Variants in EPHB1 observed in about 807,000 individuals in gnomAD.
EPHB1 encodes the protein EPH receptor B1.
A neutral mutation model predicts 94.4 loss-of-function variants in EPHB1; 30 were observed. The observed-to-expected ratio is 0.32, with a 90% CI of 0.24 to 0.43. The LOEUF (loss-of-function observed/expected upper bound fraction) is 0.43, where lower values mean the gene tolerates loss of function less well. Ranked by LOEUF, EPHB1 falls within the 20% of genes least tolerant of loss-of-function variation. EPHB1 has a pLI of 1.00. For missense variants in EPHB1, 1,055 were observed against 1,308.3 expected (o/e 0.81, Z 2.99); for synonymous variants, 522 against 489.1 (o/e 1.07, Z -0.89).
At chr3:134,857,676 C>T (rs2037152894) in intron 1 of EPHB1, among the ~76,000 whole-genome samples, 1 of 152,104 alleles carries the variant, frequency 6.6e-6, no homozygotes, top group Non-Finnish European at 1.5e-5. Flanking sequence ...GTGCTCACCC[C>T]AAGTGACACC....
intron 1 of EPHB1, among the ~76,000 whole-genome samples, chr3:134,878,551 G>A (rs150862875): frequency 2.0e-4 from 31 of 152,352 alleles, no homozygotes; most frequent in African/African-American, 7.2e-4. Flanking sequence ...GGACAGAGCT[G>A]TCTCTGCTAT....
chr3:135,026,928 A>G (rs1281987883), intron 3 of EPHB1, among the ~76,000 whole-genome samples: 66 of 122,346 alleles, frequency 5.4e-4, no homozygotes, highest in African/African-American at 2.1e-3. Context: ...GAGGTCCTTC[A>G]CATCCCTTGT....
intron 2 of EPHB1, among the ~76,000 whole-genome samples, chr3:134,926,893 A>G (rs1421938877): frequency 1.3e-5 from 2 of 152,190 alleles, no homozygotes; most frequent in African/African-American, 4.8e-5. Context: ...CTAGTTTGAG[A>G]GAAGTTAAGG....
chr3:134,922,130 C>G (rs2038700619), intron 1 of EPHB1, among the ~76,000 whole-genome samples: 2 of 152,256 alleles, frequency 1.3e-5, no homozygotes, highest in South Asian at 4.1e-4. Context: ...GCACTTCCAG[C>G]TGGGTTGGTC....
chr3:135,034,589 T>C (rs1326310783), intron 3 of EPHB1, among the ~76,000 whole-genome samples: 1 of 152,258 alleles, frequency 6.6e-6, no homozygotes, highest in African/African-American at 2.4e-5. Context: ...TTGTGGTGAA[T>C]TGATAGCTAA....
chr3:135,084,174 T>C (rs1406165465), intron 3 of EPHB1, among the ~76,000 whole-genome samples: 1 of 152,154 alleles, frequency 6.6e-6, no homozygotes, highest in African/African-American at 2.4e-5. Flanking sequence ...AAAGCGACAG[T>C]TTATTGCAAA....
intron 14 of EPHB1, among the ~76,000 whole-genome samples, 200 bp from the exon 15 acceptor site, chr3:135,249,136 G>A (rs1186461972): frequency 1.3e-5 from 2 of 152,180 alleles, no homozygotes; most frequent in Non-Finnish European, 2.9e-5. Context: ...GTGCCCAGAG[G>A]CAGAGACACT....
chr3:135,079,541 T>C (rs1256672049), intron 3 of EPHB1, among the ~76,000 whole-genome samples: 1 of 152,146 alleles, frequency 6.6e-6, no homozygotes, highest in Non-Finnish European at 1.5e-5. Context: ...CTCTAAAACC[T>C]GGTTTGGGAG....
chr3:135,259,164 G>C lies in EPHB1; in HGVS notation c.*44G>C, dbSNP rs1341200810. ...GAAGGAGAGGAGGGAAAAGGACCAG[G>C]GTCAAGGGGGACCAGAGGTTGACCA... On this transcript the variant is annotated 3_prime_UTR_variant, in exon 16 of 16. Transcript: ENST00000398015. 4 of 1,479,040 alleles carry C rather than the reference G, an allele frequency of 2.7e-6. No homozygotes were observed. The highest frequency in any genetic ancestry group is 2.8e-5 in the African/African-American group (2 of 71,850). 91.6% of individuals were successfully genotyped at this position (1,479,040 alleles called of 1,614,324 possible).
chr3:135,134,060 G>T (rs535148544), intron 5 of EPHB1, among the ~76,000 whole-genome samples: 1 of 152,216 alleles, frequency 6.6e-6, no homozygotes, highest in African/African-American at 2.4e-5. Context: ...AATACCAAGG[G>T]AGTTAGAGAA....
chr3:135,038,766 C>T (rs934890036), intron 3 of EPHB1, among the ~76,000 whole-genome samples: 17 of 151,494 alleles, frequency 1.1e-4, no homozygotes, highest in East Asian at 3.9e-4. Flanking sequence ...ATAAAAGCAG[C>T]GTGGACCCAA....
chr3:135,225,603 C>T (rs1438906536), intron 12 of EPHB1, among the ~76,000 whole-genome samples: 1 of 152,132 alleles, frequency 6.6e-6, no homozygotes, highest in Non-Finnish European at 1.5e-5. Flanking sequence ...CTATGACTCT[C>T]AAGATTCCAT....
chr3:135,074,121 G>A (rs891718673), intron 3 of EPHB1, among the ~76,000 whole-genome samples: 3 of 152,088 alleles, frequency 2.0e-5, no homozygotes, highest in Non-Finnish European at 4.4e-5. Context: ...TATATTAACT[G>A]AAATATTTTA....
chr3:135,194,658 C>T (rs1273889367), intron 11 of EPHB1, among the ~76,000 whole-genome samples: 1 of 152,180 alleles, frequency 6.6e-6, no homozygotes, highest in East Asian at 1.9e-4. Context: ...TACCTTTGTA[C>T]AACAGGAACA....
At chr3:134,953,233 G>A (rs557311818) in intron 3 of EPHB1, among the ~76,000 whole-genome samples, 4 of 152,214 alleles carry the variant, frequency 2.6e-5, no homozygotes, top group Non-Finnish European at 5.9e-5. Flanking sequence ...TGCAGCTGAA[G>A]TGCCAAGCAG....
At position 134,887,961 on chromosome 3, in the gene EPHB1, G is replaced by A. The variant is rs142820011; in HGVS notation, c.59-37855G>A. On this transcript the variant is annotated intron_variant, in intron 1 of 15. Transcript: ENST00000398015. ...TCTCTTGACAAGGAGTAGAGTGAGA[G>A]CTTTTGCAAGTTTAGCATTTACAAG... Among the ~76,000 whole-genome samples, 1,354 of 152,312 alleles carry A rather than the reference G, an allele frequency of 8.9e-3. 20 individuals are homozygous for A. Among genetic ancestry groups the A allele is most frequent in the African/African-American group, 0.027 (1,126 of 41,562 alleles).
chr3:135,127,325 C>T (rs878888966), intron 4 of EPHB1, among the ~76,000 whole-genome samples: 2 of 152,096 alleles, frequency 1.3e-5, no homozygotes, highest in Non-Finnish European at 2.9e-5. Flanking sequence ...TAGGGAGGGC[C>T]CCACCTCTGG....
At chr3:135,023,159 C>T (rs559663711) in intron 3 of EPHB1, among the ~76,000 whole-genome samples, 1 of 152,270 alleles carries the variant, frequency 6.6e-6, no homozygotes, top group East Asian at 1.9e-4. Flanking sequence ...AATATGAGAG[C>T]TTTCAAACAT....
chr3:135,012,351 A>T (rs1488483488), intron 3 of EPHB1, among the ~76,000 whole-genome samples: 1 of 152,206 alleles, frequency 6.6e-6, no homozygotes, highest in South Asian at 2.1e-4. Flanking sequence ...CCAGTCCTCA[A>T]GGCTGACTTC....
Sources: gnomAD v4.1 joint callset for allele counts (sites outside exome capture counted in the v4.1 genomes callset) on GRCh38, gnomAD v4.1.1 for gene constraint, MANE v1.5 for transcripts, NCBI Gene and HGNC (gene_info 2026-07-23, HGNC 2026-07-21) for gene names.